Variants in PDE2A observed in about 807,000 individuals in gnomAD.
PDE2A encodes phosphodiesterase 2A.
Under a neutral mutation model 133.6 loss-of-function variants are expected in PDE2A, and 53 were observed. That is an observed-to-expected ratio of 0.40 (90% CI 0.32 to 0.50). The LOEUF is 0.50. PDE2A is among the 20% of genes least tolerant of loss of function. The pLI, the probability that PDE2A is intolerant of heterozygous loss-of-function variation, is 0.73. For missense variants in PDE2A, 796 were observed against 1,232.4 expected (o/e 0.65, Z 5.30); for synonymous variants, 491 against 490.2 (o/e 1.00, Z -0.02).
Position 72,591,683 on chromosome 11 carries a change from C to A in PDE2A, c.490-327G>T, listed in dbSNP as rs558842318. 2.0e-4 allele frequency among the ~76,000 whole-genome samples: 30 copies of A among 152,316 alleles called. No homozygotes were observed. In the East Asian group the frequency reaches 3.1e-3, roughly 16 times the overall value. On this transcript the variant is annotated intron_variant, in intron 6 of 30. Coordinates refer to ENST00000334456, the MANE Select transcript of PDE2A (RefSeq NM_002599.5). The stretch of plus-strand genomic sequence containing the variant: ...CCTTTTTAGCTCACAGATTATGGAG[C>A]GCTGCAGGTCCTGATTTTAGAATTG...
chr11:72,663,140 G>A (rs555886916), intron 1 of PDE2A, among the ~76,000 whole-genome samples: 7 of 152,252 alleles, frequency 4.6e-5, no homozygotes, highest in African/African-American at 1.2e-4. Context: ...GATTGCCTGC[G>A]TCTGGGTGTG....
chr11:72,617,082 C>A (rs1255174354), intron 2 of PDE2A, among the ~76,000 whole-genome samples: 1 of 152,224 alleles, frequency 6.6e-6, no homozygotes, highest in Non-Finnish European at 1.5e-5. Context: ...GTCCCAGAGT[C>A]CTGCTTGTCT....
Position 72,589,937 on chromosome 11 carries a change from C to G in PDE2A, c.801G>C (p.Val267=). Residue 267 remains valine (V), a synonymous_variant, in exon 10 of 31, where the codon GTG becomes GTC. Transcript: ENST00000334456. ...TRASRCCLLL[V]SEDNLQLSCK... Reference sequence around the variant, plus strand: ...AAGAAAGCTGGAGATTGTCCTCCGACACCAGCAGGAGGCAGCAGCGGGATG... The same window carrying G: ...AAGAAAGCTGGAGATTGTCCTCCGAGACCAGCAGGAGGCAGCAGCGGGATG... The G allele has an allele frequency of 6.2e-7, 1 of 1,613,426 alleles. No individual in the cohort carries two copies. The highest frequency in any genetic ancestry group is 1.1e-5 in the South Asian group (1 of 90,896).
chr11:72,602,251 G>A (rs1201982442), intron 4 of PDE2A, among the ~76,000 whole-genome samples: 17 of 152,292 alleles, frequency 1.1e-4, no homozygotes, highest in Admixed American at 7.2e-4. Flanking sequence ...CCCAAACAGC[G>A]GCAGGAACAG....
intron 3 of PDE2A, among the ~76,000 whole-genome samples, chr11:72,606,598 G>T (rs1312226117): frequency 1.3e-5 from 2 of 152,214 alleles, no homozygotes; most frequent in Non-Finnish European, 2.9e-5. Context: ...TGTTTGGCTG[G>T]AAGGAAACCT....
At chr11:72,604,677 G>A (rs1272850123) in intron 4 of PDE2A, among the ~76,000 whole-genome samples, 2 of 152,190 alleles carry the variant, frequency 1.3e-5, no homozygotes, top group African/African-American at 4.8e-5. Flanking sequence ...CCAGGCAGTG[G>A]GGCTCCAGAA....
chr11:72,664,900 G>GA (rs1240444382), intron 1 of PDE2A, among the ~76,000 whole-genome samples: 1 of 151,740 alleles, frequency 6.6e-6, no homozygotes, highest in Non-Finnish European at 1.5e-5. Flanking sequence ...TCCGCCTCCT[G>GA]GGTTCAAGCA....
At chr11:72,629,714 C>T (rs1052978131) in intron 2 of PDE2A, among the ~76,000 whole-genome samples, 5 of 152,178 alleles carry the variant, frequency 3.3e-5, no homozygotes, top group African/African-American at 1.2e-4. Context: ...CCATCTTACT[C>T]AGGGGCCGGG....
intron 1 of PDE2A, among the ~76,000 whole-genome samples, chr11:72,644,838 C>T (rs1374677298): frequency 3.9e-5 from 6 of 152,160 alleles, no homozygotes; most frequent in Non-Finnish European, 7.3e-5. Context: ...CTCACTGCAA[C>T]CTCCGCCTCC....
chr11:72,604,564 G>A (rs189440798), intron 4 of PDE2A, among the ~76,000 whole-genome samples: 56 of 152,276 alleles, frequency 3.7e-4, no homozygotes, highest in Admixed American at 6.5e-4. Flanking sequence ...AATCCTATAA[G>A]CACCATTATT....
At chr11:72,645,354 C>A (rs565171013) in intron 1 of PDE2A, among the ~76,000 whole-genome samples, 1 of 152,328 alleles carries the variant, frequency 6.6e-6, no homozygotes, top group Admixed American at 6.5e-5. Flanking sequence ...AGAGCCCTTT[C>A]AGAAAAACCC....
chr11:72,599,497 T>C (rs971639926), intron 4 of PDE2A, among the ~76,000 whole-genome samples: 45 of 151,830 alleles, frequency 3.0e-4, no homozygotes, highest in Admixed American at 2.8e-3. Context: ...TTTCCTCACC[T>C]CCCCCATCCG....
chr11:72,596,173 C>T (rs1013523739), intron 6 of PDE2A, among the ~76,000 whole-genome samples: 1 of 152,180 alleles, frequency 6.6e-6, no homozygotes, highest in Non-Finnish European at 1.5e-5. Flanking sequence ...CTCTTCACAC[C>T]TCACTTGGTT....
chr11:72,652,679 T>G (rs938366540), intron 1 of PDE2A: 1 of 456,176 alleles, frequency 2.2e-6, no homozygotes, highest in African/African-American at 2.0e-5. Flanking sequence ...AATTTTACAG[T>G]TGATGAAACT....
At chr11:72,584,084 G>T in intron 19 of PDE2A, 117 bp downstream of exon 19, 1 of 641,968 alleles carries the variant, frequency 1.6e-6, no homozygotes, top group South Asian at 1.8e-5. Flanking sequence ...GCGGGACTCT[G>T]AGTGCCAGAC....
At chr11:72,583,569 CA>C in intron 19 of PDE2A, 54 bp from the exon 20 acceptor site, 2 of 1,215,160 alleles carry the variant, frequency 1.6e-6, no homozygotes, top group South Asian at 2.4e-5. Context: ...GAAAATTTAG[CA>C]ATGCCCAGGA....
intron 1 of PDE2A, among the ~76,000 whole-genome samples, chr11:72,669,588 C>T (rs969458399): frequency 1.3e-5 from 2 of 152,164 alleles, no homozygotes; most frequent in Non-Finnish European, 2.9e-5. Context: ...CCCTGGAGGC[C>T]ACAATCCTGT....
At chr11:72,583,052 G>A (rs1490740347) in intron 20 of PDE2A, among the ~76,000 whole-genome samples, 1 of 152,176 alleles carries the variant, frequency 6.6e-6, no homozygotes, top group Non-Finnish European at 1.5e-5. Context: ...GTAGGGAATG[G>A]GATAGATTAT....
chr11:72,674,021 G>C, intron 1 of PDE2A, 116 bp downstream of exon 1: 1 of 1,035,264 alleles, frequency 9.7e-7, no homozygotes, highest in Non-Finnish European at 1.4e-6. Flanking sequence ...GAACAGGATC[G>C]ATCCTTCCAC....
Sources: gnomAD v4.1 joint callset for allele counts (sites outside exome capture counted in the v4.1 genomes callset) on GRCh38, gnomAD v4.1.1 for gene constraint, MANE v1.5 for transcripts, NCBI Gene and HGNC (gene_info 2026-07-23, HGNC 2026-07-21) for gene names.